NCR1: variants seen among roughly 807,000 people sequenced by gnomAD.
NCR1 encodes NK cell-activating receptor.
In NCR1, 30 loss-of-function variants were observed where a neutral mutation model predicts 32.5. The observed-to-expected ratio is 0.92, with a 90% CI of 0.69 to 1.25. The LOEUF is 1.25. NCR1 is among the 50% of genes most tolerant of loss of function. The pLI is 0.00. For missense variants in NCR1, 369 were observed against 380.7 expected, an observed-to-expected ratio of 0.97 and a Z score of 0.26; for synonymous variants, 169 against 143.4, an observed-to-expected ratio of 1.18 and a Z score of -1.28.
chr19:54,899,232 A>G, the NCR1 span, among the ~76,000 whole-genome samples: 1 of 152,158 alleles, frequency 6.6e-6, no homozygotes, highest in Non-Finnish European at 1.5e-5. Context: ...TTTTCTGGCT[A>G]TTTGGAACCA....
At chr19:54,922,777 T>C in the NCR1 span, among the ~76,000 whole-genome samples, 1 of 51,732 alleles carries the variant, frequency 1.9e-5, no homozygotes, top group African/African-American at 9.8e-5. Flanking sequence ...AAACTCCGTC[T>C]CAAAAAAAAA....
chr19:54,900,278 AAGAG>A, the NCR1 span, among the ~76,000 whole-genome samples: 1,042 of 152,240 alleles, frequency 6.8e-3, 16 homozygotes, highest in African/African-American at 0.022. Flanking sequence ...TGAGTCCAGA[AAGAG>A]AGTCAGCAAA....
chr19:54,934,752 C>T, the NCR1 span: 3 of 1,086,340 alleles, frequency 2.8e-6, no homozygotes, highest in Non-Finnish European at 3.9e-6. This position sits in a 1 kb window ranked among gnomAD's most constrained non-coding sequence, Gnocchi z 6.7. Context: ...CTCTGTTGCC[C>T]AGTCTGGAAT....
At chr19:54,916,334 T>TTTTTTTTTTTTTTTTTTTTTG (rs2068133057), downstream of NCR1, among the ~76,000 whole-genome samples, 1 of 133,800 alleles carries the variant, frequency 7.5e-6, no homozygotes, top group Non-Finnish European at 1.6e-5. Flanking sequence ...TTTTTTTTTT[T>TTTTTTTTTTTTTTTTTTTTTG]TTTTGAGACG....
chr19:54,910,209 G>A, intron 5 of NCR1, 144 bp downstream of exon 5: 1 of 781,662 alleles, frequency 1.3e-6, no homozygotes. Context: ...GGCCGAGATG[G>A]TGCATCATTT....
At chr19:54,909,612 C>T in intron 4 of NCR1, 89 bp downstream of exon 4, 1 of 1,465,244 alleles carries the variant, frequency 6.8e-7, no homozygotes, top group Non-Finnish European at 9.1e-7. Flanking sequence ...GGGAGGGTGT[C>T]CAAGGGACGT....
intron 5 of NCR1, 36 bp from the exon 6 acceptor site, chr19:54,912,132 A>C: frequency 6.2e-7 from 1 of 1,601,536 alleles, no homozygotes; most frequent in Non-Finnish European, 8.6e-7. Flanking sequence ...GAGGAGGTCA[A>C]AACCATCCTC....
Position 54,906,319 on chromosome 19 carries a change from A to C in NCR1, c.55A>C (p.Ile19Leu), listed in dbSNP as rs757589826. The C allele has an allele frequency of 6.2e-7, 1 of 1,613,948 alleles. No homozygotes were observed. The highest frequency in any genetic ancestry group is 2.2e-5 in the East Asian group (1 of 44,878). ...TCCAGGGCTGTGTCTGAGTCAGAGG[A>C]TCAGCGCCCAGCAGCGTGAGTCCTT... ...LCVGLCLSQR[I>L]SAQQQTLPKP... The change falls in exon 2 of 7, where the codon ATC becomes CTC. Residue 19 changes from isoleucine (I) to leucine (L), a missense_variant. Ile to Leu is a conservative substitution (Grantham distance 5). Coordinates refer to ENST00000291890, the MANE Select transcript of NCR1 (RefSeq NM_004829.7).
At chr19:54,915,577 G>T (rs12327595), downstream of NCR1, among the ~76,000 whole-genome samples, 4 of 152,034 alleles carry the variant, frequency 2.6e-5, no homozygotes, top group Non-Finnish European at 4.4e-5. Context: ...ACTTGAACCC[G>T]GGAGGCAGAG....
chr19:54,922,228 C>T, the NCR1 span, among the ~76,000 whole-genome samples: 16,196 of 152,074 alleles, frequency 0.11, 1,115 homozygotes, highest in East Asian at 0.32. Flanking sequence ...CTACCGCAAG[C>T]GTGGAGAGCC....
chr19:54,919,766 GTTAATTGACACC>G (rs1053519533), downstream of NCR1, among the ~76,000 whole-genome samples: 48 of 145,322 alleles, frequency 3.3e-4, no homozygotes, highest in Middle Eastern at 3.6e-3. Flanking sequence ...AGCGGGTGTT[GTTAATTGACACC>G]TTTTGCTACC....
chr19:54,905,017 C>T (rs1276537402), upstream of NCR1, among the ~76,000 whole-genome samples: 1 of 152,184 alleles, frequency 6.6e-6, no homozygotes, highest in Non-Finnish European at 1.5e-5. Flanking sequence ...CATGTCTTCA[C>T]TATTGTGAAT....
the NCR1 span, chr19:54,923,675 T>A: frequency 6.3e-7 from 1 of 1,574,922 alleles, no homozygotes; most frequent in Admixed American, 1.7e-5. Context: ...TGACCTGCAT[T>A]CATAAGACAT....
intron 3 of NCR1, 67 bp from the exon 4 acceptor site, chr19:54,909,178 G>GAA (rs371538113): frequency 2.5e-4 from 293 of 1,163,564 alleles, no homozygotes; most frequent in South Asian, 5.9e-4. Flanking sequence ...TCTAAAGAAA[G>GAA]AAAAAAAAAA....
chr19:54,919,516 T>A (rs368898860), downstream of NCR1, among the ~76,000 whole-genome samples: 15 of 152,358 alleles, frequency 9.8e-5, no homozygotes, highest in African/African-American at 3.4e-4. Context: ...TTCCCTAATT[T>A]ACTACTGCTA....
At chr19:54,927,521 A>C in the NCR1 span, 295 of 1,386,756 alleles carry the variant, frequency 2.1e-4, no homozygotes, top group African/African-American at 3.6e-3. Flanking sequence ...GCGCCACTGC[A>C]CTCCAGCCTG....
chr19:54,926,227 T>TGTGTGCGC, the NCR1 span, among the ~76,000 whole-genome samples: 1 of 150,842 alleles, frequency 6.6e-6, no homozygotes, highest in East Asian at 2.0e-4. Flanking sequence ...TGTGTGTGTG[T>TGTGTGCGC]GCTCATGCAC....
upstream of NCR1, among the ~76,000 whole-genome samples, chr19:54,903,354 A>ACATGTATGTGTACACACATATGTATG (rs2067344741): frequency 8.4e-6 from 1 of 119,020 alleles, no homozygotes; most frequent in East Asian, 2.4e-4. Flanking sequence ...ATATATGCAT[A>ACATGTATGTGTACACACATATGTATG]TATACATACA....
the NCR1 span, among the ~76,000 whole-genome samples, chr19:54,931,227 G>A: frequency 1.3e-5 from 2 of 152,080 alleles, no homozygotes; most frequent in Non-Finnish European, 2.9e-5. Context: ...TTCAAGACCA[G>A]CCTGGCCAAC....
Sources: gnomAD v4.1 joint callset for allele counts (sites outside exome capture counted in the v4.1 genomes callset) on GRCh38, gnomAD v4.1.1 for gene constraint, Gnocchi (gnomAD v3.1) non-coding constraint, MANE v1.5 for transcripts, NCBI Gene and HGNC (gene_info 2026-07-23, HGNC 2026-07-21) for gene names.